GANC: variants seen among roughly 807,000 people sequenced by gnomAD.
The protein encoded by GANC is neutral alpha-glucosidase C.
A neutral mutation model predicts 124.2 loss-of-function variants in GANC; 117 were observed. The ratio of observed to expected loss-of-function variants is 0.94; its 90% CI spans 0.81 to 1.10. The LOEUF (loss-of-function observed/expected upper bound fraction) is 1.10, where lower values mean the gene tolerates loss of function less well. Ranked by LOEUF, GANC falls within the 50% of genes least tolerant of loss-of-function variation. The probability of loss-of-function intolerance (pLI) is 0.00; values close to 1 mark genes in which losing one functional copy is unlikely to be tolerated. For synonymous variants in GANC, 377 were observed against 376.8 expected, an observed-to-expected ratio of 1.00 and a Z score of -0.01; for missense variants, 1,140 against 1,095.0, an observed-to-expected ratio of 1.04 and a Z score of -0.58.
chr15:42,307,844 T>C (rs1174019408), intron 7 of GANC, among the ~76,000 whole-genome samples: 1 of 152,132 alleles, frequency 6.6e-6, no homozygotes, highest in African/African-American at 2.4e-5. Context: ...AGACTGAAAG[T>C]GCACAATATC....
intron 5 of GANC, among the ~76,000 whole-genome samples, chr15:42,296,613 G>A (rs968313987): frequency 9.9e-5 from 15 of 152,028 alleles, no homozygotes; most frequent in African/African-American, 3.4e-4. Flanking sequence ...GGCTGGTCTC[G>A]AGCTCCTGAC....
chr15:42,275,589 T>TTG (rs1193229074), intron 1 of GANC, among the ~76,000 whole-genome samples: 6 of 151,834 alleles, frequency 4.0e-5, no homozygotes, highest in Admixed American at 6.6e-5. Context: ...TAATTTTTTT[T>TTG]TCTCCTTATA....
At chr15:42,279,745 A>G (rs566700112) in intron 3 of GANC, among the ~76,000 whole-genome samples, 3 of 152,190 alleles carry the variant, frequency 2.0e-5, no homozygotes, top group East Asian at 1.9e-4. Flanking sequence ...AGTTAAGGCC[A>G]TTAGGTCTGG....
chr15:42,317,964 C>T (rs896333705), intron 10 of GANC, among the ~76,000 whole-genome samples: 9 of 152,240 alleles, frequency 5.9e-5, no homozygotes, highest in Non-Finnish European at 1.3e-4. Flanking sequence ...ACCATACCCT[C>T]CTCCGTCTCC....
At chr15:42,341,738 A>G (rs1162123352) in intron 18 of GANC, among the ~76,000 whole-genome samples, 2 of 151,870 alleles carry the variant, frequency 1.3e-5, no homozygotes, top group Non-Finnish European at 1.5e-5. Flanking sequence ...AATTTTTTCT[A>G]TTTTTAGTAG....
chr15:42,325,376 A>T (rs188507767), intron 11 of GANC, among the ~76,000 whole-genome samples: 2 of 152,296 alleles, frequency 1.3e-5, no homozygotes, highest in African/African-American at 4.8e-5. Context: ...GGAGGATTAG[A>T]TGGTGTTCTG....
rs1422573670 is a variant in GANC at position 42,339,100 on chromosome 15, A to G, written c.1844-569A>G. 9.2e-5 allele frequency among the ~76,000 whole-genome samples: 14 copies of G among 152,166 alleles called. No homozygotes were observed. The East Asian group carries it at 2.5e-3, about 27-fold the overall frequency. The stretch of plus-strand genomic sequence containing the variant: ...GTAGGAGTAGAAGCAAATTAATATC[A>G]TTCTTTTGATGCATGTGTTTTTATT... On this transcript the variant is annotated intron_variant, in intron 16 of 23. Transcript: ENST00000318010.
At chr15:42,345,871 T>A (rs1420140139) in intron 20 of GANC, 39 bp downstream of exon 20, 4 of 1,417,228 alleles carry the variant, frequency 2.8e-6, no homozygotes, top group Non-Finnish European at 4.0e-6. Flanking sequence ...CCTATCATGC[T>A]CTATTGGTCG....
At chr15:42,277,339 T>C (rs2412683) in intron 2 of GANC, among the ~76,000 whole-genome samples, 146,106 of 151,928 alleles carry the variant, frequency 0.96, 70,448 homozygotes, top group Non-Finnish European at 1. Flanking sequence ...GAGACCAGCC[T>C]GACCAACATG....
chr15:42,320,622 T>C (rs1250370963), intron 10 of GANC, among the ~76,000 whole-genome samples: 1 of 152,122 alleles, frequency 6.6e-6, no homozygotes, highest in Non-Finnish European at 1.5e-5. Context: ...ATAATTTTTG[T>C]ATTTTTAGTA....
intron 3 of GANC, among the ~76,000 whole-genome samples, chr15:42,282,634 C>T (rs2051745140): frequency 6.6e-6 from 1 of 152,262 alleles, no homozygotes; most frequent in South Asian, 2.1e-4. Flanking sequence ...AAAGCAGTAA[C>T]TTTGGAGTTG....
At position 42,303,455 on chromosome 15, in the gene GANC, C is replaced by A. The variant is rs190133591; in HGVS notation, c.559-3091C>A. On this transcript the variant is annotated intron_variant, in intron 6 of 23. Transcript: ENST00000318010. ...TGAAGAAACTACATTAACTAATGGG[C>A]AAAATAACCAGCTAGTATCATAATG... Among the ~76,000 whole-genome samples the A allele has an allele frequency of 2.0e-5, 3 of 152,126 alleles. No individual in the cohort carries two copies. In the East Asian group the frequency reaches 5.8e-4, roughly 29 times the overall value.
At chr15:42,347,048 G>A (rs2052371317) in intron 20 of GANC, among the ~76,000 whole-genome samples, 1 of 150,974 alleles carries the variant, frequency 6.6e-6, no homozygotes, top group African/African-American at 2.5e-5. Context: ...ATTCAGAGAA[G>A]TTAAATTATT....
chr15:42,305,105 C>T (rs2051980614), intron 6 of GANC, among the ~76,000 whole-genome samples: 1 of 152,126 alleles, frequency 6.6e-6, no homozygotes, highest in Admixed American at 6.5e-5. Flanking sequence ...CCAAAATTGA[C>T]AAATGGGATC....
chr15:42,322,665 T>A (rs1012991152), intron 11 of GANC, among the ~76,000 whole-genome samples: 2 of 152,128 alleles, frequency 1.3e-5, no homozygotes, highest in Non-Finnish European at 2.9e-5. Context: ...TCAAATATGG[T>A]ATCAAATTCT....
chr15:42,313,800 G>C (rs1477223845), intron 10 of GANC: 13 of 474,236 alleles, frequency 2.7e-5, no homozygotes, highest in Admixed American at 3.9e-5. Flanking sequence ...GGGCACAGTG[G>C]CTCACGCCTG....
intron 11 of GANC, among the ~76,000 whole-genome samples, chr15:42,324,648 G>A (rs1355335910): frequency 1.3e-5 from 2 of 152,126 alleles, no homozygotes; most frequent in Non-Finnish European, 2.9e-5. Flanking sequence ...AGATACTACA[G>A]CATGGATGAA....
chr15:42,293,014 G>T, intron 5 of GANC, 97 bp downstream of exon 5: 3 of 1,213,346 alleles, frequency 2.5e-6, no homozygotes, highest in South Asian at 1.6e-5. Flanking sequence ...ATAGAAAATT[G>T]GTTTGCCTTA....
chr15:42,303,100 A>G lies in GANC; in HGVS notation c.559-3446A>G, dbSNP rs2051961986. ...AAGGAAAAAAATGTTAAGGGCAGCC[A>G]TAGAGAAAGGTCAGGTTACCCACAA... On this transcript the variant is annotated intron_variant, in intron 6 of 23. Coordinates refer to ENST00000318010, the MANE Select transcript of GANC (RefSeq NM_198141.3). Among the ~76,000 whole-genome samples the G allele has an allele frequency of 4.6e-5, 7 of 152,366 alleles. No homozygotes were observed. The South Asian group carries it at 1.4e-3, about 32-fold the overall frequency.
Sources: allele counts gnomAD v4.1 joint callset (sites outside exome capture counted in the v4.1 genomes callset), GRCh38; gene constraint gnomAD v4.1.1; transcripts MANE v1.5; gene names NCBI Gene and HGNC (gene_info 2026-07-23, HGNC 2026-07-21).